The following TFEC variants were observed in gnomAD, a reference collection of about 807,000 sequenced individuals.
TFEC encodes transcription factor EC, also known as class E basic helix-loop-helix protein 34.
In TFEC, 31 loss-of-function variants were observed where a neutral mutation model predicts 41.6. That is an observed-to-expected ratio of 0.74 (90% CI 0.56 to 1.01). The LOEUF (loss-of-function observed/expected upper bound fraction) is 1.01. Among genes scored for constraint, TFEC ranks in the 50% least tolerant of loss-of-function variants. TFEC has a pLI of 0.00. For missense variants in TFEC, 402 were observed against 404.1 expected (o/e 0.99, Z 0.04); for synonymous variants, 143 against 140.6 (o/e 1.02, Z -0.12).
intron 1 of TFEC, among the ~76,000 whole-genome samples, chr7:116,147,662 T>G (rs1798671426): frequency 6.6e-6 from 1 of 151,800 alleles, no homozygotes; most frequent in African/African-American, 2.4e-5. Context: ...GTGTTTGGTT[T>G]TTTGTCCTTG....
rs1414807941 is a variant in TFEC, at chr7:115,994,386, C to A, written c.-72-9873G>T. Among the ~76,000 whole-genome samples, 7 of 152,156 alleles carry A rather than the reference C, an allele frequency of 4.6e-5. No individual in the cohort carries two copies. The East Asian group carries it at 1.4e-3, about 29-fold the overall frequency. On this transcript the variant is annotated intron_variant, in intron 1 of 7. Coordinates refer to ENST00000265440, the MANE Select transcript of TFEC (RefSeq NM_012252.4). ...CTAATTAAACTAAAGAGCTTCCGCA[C>A]AGCAATGGAAACTACCATCAGAGTG...
chr7:116,088,130 C>T (rs1584499790), intron 3 of TFEC, among the ~76,000 whole-genome samples: 2 of 151,990 alleles, frequency 1.3e-5, no homozygotes, highest in Non-Finnish European at 1.5e-5. Context: ...TTTTCCTTGC[C>T]CCCTACTACT....
chr7:116,017,795 T>A (rs1324679023), intron 1 of TFEC, among the ~76,000 whole-genome samples: 1 of 152,234 alleles, frequency 6.6e-6, no homozygotes, highest in Non-Finnish European at 1.5e-5. Context: ...CAGGTTACAA[T>A]GTCTTCTAAC....
intron 3 of TFEC, among the ~76,000 whole-genome samples, chr7:116,094,133 A>C (rs1797393421): frequency 6.6e-6 from 1 of 152,202 alleles, no homozygotes; most frequent in Non-Finnish European, 1.5e-5. Flanking sequence ...TACATTAAGG[A>C]GGGAGAAAAG....
At chr7:116,115,845 T>G (rs561300795) in intron 1 of TFEC, among the ~76,000 whole-genome samples, 7 of 152,110 alleles carry the variant, frequency 4.6e-5, no homozygotes, top group Middle Eastern at 3.4e-3. Flanking sequence ...GCTTTTTATA[T>G]GCCGGATGTT....
chr7:115,959,423 G>A (rs772550102), intron 3 of TFEC, among the ~76,000 whole-genome samples: 14 of 151,662 alleles, frequency 9.2e-5, no homozygotes, highest in Non-Finnish European at 1.8e-4. Flanking sequence ...ACATCTCCAC[G>A]CTGAAGTCAT....
chr7:116,031,943 T>C (rs1021257398), upstream of TFEC, among the ~76,000 whole-genome samples: 1 of 152,112 alleles, frequency 6.6e-6, no homozygotes, highest in Non-Finnish European at 1.5e-5. Flanking sequence ...ACATTGATAT[T>C]AGAAACATTG....
chr7:116,140,015 G>A (rs564055022), intron 1 of TFEC, among the ~76,000 whole-genome samples: 1 of 152,260 alleles, frequency 6.6e-6, no homozygotes, highest in South Asian at 2.1e-4. Context: ...TTTATGCTGG[G>A]GCATGATGCA....
intron 6 of TFEC, among the ~76,000 whole-genome samples, chr7:115,945,935 C>G (rs1215086871): frequency 1.3e-5 from 2 of 151,712 alleles, no homozygotes; most frequent in Non-Finnish European, 2.9e-5. Flanking sequence ...GTGACAAAGA[C>G]TTTTGTATGG....
intron 1 of TFEC, among the ~76,000 whole-genome samples, chr7:116,157,968 C>T (rs1020882603): frequency 5.3e-5 from 8 of 152,122 alleles, no homozygotes; most frequent in African/African-American, 9.7e-5. Context: ...CTCTGTCCCC[C>T]GTTTACAATT....
chr7:116,110,810 A>G, exon 3 of TFEC: 2 of 1,548,416 alleles, frequency 1.3e-6, no homozygotes, highest in Non-Finnish European at 1.7e-6. Context: ...ACTCTGTTCT[A>G]TGGGCACTGA....
chr7:115,960,727 T>C (rs2130472984), intron 3 of TFEC, among the ~76,000 whole-genome samples: 1 of 151,644 alleles, frequency 6.6e-6, no homozygotes, highest in South Asian at 2.1e-4. Flanking sequence ...GGTAAAGGAT[T>C]GACAGATAAA....
intron 3 of TFEC, among the ~76,000 whole-genome samples, chr7:115,961,878 G>T (rs1210072398): frequency 6.6e-6 from 1 of 151,590 alleles, no homozygotes; most frequent in East Asian, 1.9e-4. Context: ...AATGATCTCT[G>T]CTAACTGTTG....
intron 3 of TFEC, among the ~76,000 whole-genome samples, chr7:116,083,904 T>G (rs1388638116): frequency 6.6e-6 from 1 of 151,912 alleles, no homozygotes; most frequent in African/African-American, 2.4e-5. Context: ...AACCTGTTGA[T>G]AATGAACCTG....
intron 1 of TFEC, among the ~76,000 whole-genome samples, chr7:116,001,911 T>TA (rs1794613407): frequency 6.6e-6 from 1 of 151,678 alleles, no homozygotes. Context: ...TACAAAAAGG[T>TA]ATATAAAAAG....
chr7:115,951,975 G>T (rs904190853), intron 5 of TFEC, among the ~76,000 whole-genome samples: 10 of 151,822 alleles, frequency 6.6e-5, no homozygotes, highest in Non-Finnish European at 1.2e-4. Flanking sequence ...AAAGCTTTTG[G>T]GGAAGTAAAG....
chr7:116,157,394 C>A (rs112423860), intron 1 of TFEC: 3 of 151,688 alleles, frequency 2.0e-5, no homozygotes, highest in East Asian at 1.9e-4. Context: ...TAAGTAAGCA[C>A]AAATAACATT....
intron 6 of TFEC, among the ~76,000 whole-genome samples, chr7:115,943,570 C>T (rs1793619790): frequency 6.7e-6 from 1 of 149,578 alleles, no homozygotes; most frequent in Non-Finnish European, 1.5e-5. Context: ...TTTTAAGTTC[C>T]TCTATTTTAA....
chr7:116,078,203 G>A (rs901942850), intron 3 of TFEC, among the ~76,000 whole-genome samples: 1 of 151,738 alleles, frequency 6.6e-6, no homozygotes, highest in Non-Finnish European at 1.5e-5. Context: ...AAAGAGGAAA[G>A]GTCATAGCAT....
Sources: allele counts gnomAD v4.1 joint callset (sites outside exome capture counted in the v4.1 genomes callset), GRCh38; gene constraint gnomAD v4.1.1; transcripts MANE v1.5; gene names NCBI Gene and HGNC (gene_info 2026-07-23, HGNC 2026-07-21).